Variants in KATNAL1 observed in about 807,000 individuals in gnomAD.
KATNAL1 encodes katanin p60 ATPase-containing subunit A-like 1.
In KATNAL1, 32 loss-of-function variants were observed where a neutral mutation model predicts 55.2. That is an observed-to-expected ratio of 0.58 (90% CI 0.44 to 0.78). The LOEUF is 0.78. KATNAL1 is among the 30% of genes least tolerant of loss of function. KATNAL1 has a pLI of 0.00. For missense variants in KATNAL1, 466 were observed against 600.9 expected (o/e 0.78, Z 2.35); for synonymous variants, 193 against 193.6 (o/e 1.00, Z 0.02).
At chr13:30,230,238 C>T (rs1875956035) in intron 8 of KATNAL1, among the ~76,000 whole-genome samples, 1 of 152,178 alleles carries the variant, frequency 6.6e-6, no homozygotes, top group Non-Finnish European at 1.5e-5. Context: ...CAGTAAGCTC[C>T]TTGAAGGCCA....
At chr13:30,230,434 G>A in intron 8 of KATNAL1, 34 bp downstream of exon 8, 1 of 1,586,412 alleles carries the variant, frequency 6.3e-7, no homozygotes, top group Non-Finnish European at 8.6e-7. Flanking sequence ...ATTTAAAAAT[G>A]AGAGTTTTGA....
chr13:30,223,524 T>C (rs1399655961), intron 9 of KATNAL1, among the ~76,000 whole-genome samples: 2 of 140,228 alleles, frequency 1.4e-5, no homozygotes, highest in African/African-American at 5.3e-5. Flanking sequence ...AAAGCAGATA[T>C]AGCACAACAA....
chr13:30,214,086 C>CA (rs1389705974), intron 9 of KATNAL1, among the ~76,000 whole-genome samples: 1 of 152,144 alleles, frequency 6.6e-6, no homozygotes, highest in African/African-American at 2.4e-5. Flanking sequence ...TCTCAGGATA[C>CA]AAAATCAATG....
At chr13:30,293,853 A>AT (rs1166468124) in intron 1 of KATNAL1, among the ~76,000 whole-genome samples, 1 of 152,152 alleles carries the variant, frequency 6.6e-6, no homozygotes, top group Non-Finnish European at 1.5e-5. Flanking sequence ...TTCTAACAGC[A>AT]TGTGCTCACT....
At chr13:30,272,250 T>C (rs1382253962) in intron 3 of KATNAL1, among the ~76,000 whole-genome samples, 2 of 151,972 alleles carry the variant, frequency 1.3e-5, no homozygotes, top group African/African-American at 4.8e-5. Context: ...ATACAAAAAT[T>C]AGCCAGGTGT....
intron 5 of KATNAL1, 57 bp downstream of exon 5, chr13:30,240,902 A>C (rs1877206296): frequency 6.6e-7 from 1 of 1,509,400 alleles, no homozygotes; most frequent in Non-Finnish European, 9.0e-7. Context: ...ACACACCAAG[A>C]CAACCTATAA....
chr13:30,215,294 T>C (rs1212687078), intron 9 of KATNAL1, among the ~76,000 whole-genome samples: 3 of 152,076 alleles, frequency 2.0e-5, no homozygotes, highest in East Asian at 3.8e-4. Flanking sequence ...GGAGAGGATG[T>C]GGAGAAATAG....
At chr13:30,294,634 C>T (rs1882359201) in intron 1 of KATNAL1, among the ~76,000 whole-genome samples, 2 of 152,194 alleles carry the variant, frequency 1.3e-5, no homozygotes, top group Non-Finnish European at 2.9e-5. Context: ...TAGCTAAGAT[C>T]ATTGATGAAG....
intron 1 of KATNAL1, among the ~76,000 whole-genome samples, chr13:30,298,272 T>TAAAATC (rs1882651633): frequency 6.6e-6 from 1 of 152,198 alleles, no homozygotes; most frequent in Admixed American, 6.5e-5. Flanking sequence ...ACTCATATGG[T>TAAAATC]ATATACTCTG....
At chr13:30,269,815 A>G (rs1880119165) in intron 3 of KATNAL1, among the ~76,000 whole-genome samples, 1 of 146,024 alleles carries the variant, frequency 6.8e-6, no homozygotes, top group Non-Finnish European at 1.5e-5. Context: ...CCCATCTGAG[A>G]AGTGAGGAGC....
At chr13:30,263,367 C>T (rs1879469856) in intron 3 of KATNAL1, among the ~76,000 whole-genome samples, 1 of 151,454 alleles carries the variant, frequency 6.6e-6, no homozygotes, top group Non-Finnish European at 1.5e-5. Flanking sequence ...AAGTTCTGGC[C>T]AGGGCAATTA....
chr13:30,303,976 G>A (rs1306653866), intron 1 of KATNAL1, among the ~76,000 whole-genome samples: 1 of 152,158 alleles, frequency 6.6e-6, no homozygotes, highest in Non-Finnish European at 1.5e-5. Context: ...GTAAGGAAGT[G>A]GGAGAAGAAA....
chr13:30,243,608 C>CAA (rs139687662), intron 4 of KATNAL1, among the ~76,000 whole-genome samples: 88 of 86,424 alleles, frequency 1.0e-3, no homozygotes, highest in African/African-American at 2.1e-3. Context: ...GGTATTAAGC[C>CAA]AAAAAAAAAA....
intron 3 of KATNAL1, among the ~76,000 whole-genome samples, chr13:30,269,053 GCTCCCT>G (rs1244545347): frequency 6.6e-6 from 1 of 152,126 alleles, no homozygotes; most frequent in Non-Finnish European, 1.5e-5. Context: ...AAATAAAGCT[GCTCCCT>G]CTCCCTCTCC....
chr13:30,279,073 C>A (rs1048655164), intron 3 of KATNAL1, among the ~76,000 whole-genome samples: 1 of 152,112 alleles, frequency 6.6e-6, no homozygotes, highest in Non-Finnish European at 1.5e-5. Context: ...CAGTTACTGG[C>A]CAAAGGAAAA....
intron 9 of KATNAL1, among the ~76,000 whole-genome samples, chr13:30,220,408 C>T (rs1447965936): frequency 3.3e-5 from 5 of 151,890 alleles, no homozygotes; most frequent in African/African-American, 7.3e-5. Context: ...TTGCAGTGAG[C>T]CGAAACCACG....
At chr13:30,214,878 C>T (rs916019280) in intron 9 of KATNAL1, among the ~76,000 whole-genome samples, 1 of 151,422 alleles carries the variant, frequency 6.6e-6, no homozygotes, top group African/African-American at 2.4e-5. Context: ...GACTTCACGT[C>T]TAAAACACCA....
chr13:30,213,542 G>A (rs1228375593), intron 9 of KATNAL1, among the ~76,000 whole-genome samples: 4 of 152,112 alleles, frequency 2.6e-5, no homozygotes, highest in Admixed American at 6.5e-5. Context: ...CTGGCAAACC[G>A]AATCCAGCAG....
Position 30,210,354 on chromosome 13 carries a change from A to C in KATNAL1, c.1236T>G (p.Ile412Met). The C allele has an allele frequency of 3.7e-6, 6 of 1,609,384 alleles. No homozygotes were observed. The highest frequency in any genetic ancestry group is 5.1e-6 in the Non-Finnish European group (6 of 1,178,404). The part of the protein sequence containing the change: ...DIQLEDIAEK[I>M]EGYSGADITN... ...TGATGTCAGCACCAGAATAGCCCTC[A>C]ATCTTCTCGGCTATATCTTCCAGTT... The change falls in exon 10 of 11, where the codon ATT becomes ATG. Residue 412 changes from isoleucine (I) to methionine (M), a missense_variant. By Grantham distance (10) the Ile-to-Met change is conservative. This residue lies in a region of KATNAL1 where 213 missense variants were observed against 308.6 expected (regional missense o/e 0.69). Transcript: ENST00000380615.
Sources: allele counts gnomAD v4.1 joint callset (sites outside exome capture counted in the v4.1 genomes callset), GRCh38; gene constraint gnomAD v4.1.1; regional missense constraint gnomAD v4.1.1; transcripts MANE v1.5; gene names NCBI Gene and HGNC (gene_info 2026-07-23, HGNC 2026-07-21).